The following NXPH1 variants were observed in gnomAD, a reference collection of about 807,000 sequenced individuals.
The protein encoded by NXPH1 is neurexophilin 1.
Under a neutral mutation model 23.7 loss-of-function variants are expected in NXPH1, and 5 were observed. The ratio of observed to expected loss-of-function variants is 0.21; its 90% CI spans 0.11 to 0.44. NXPH1 has a LOEUF of 0.44. NXPH1 is among the 20% of genes least tolerant of loss of function. The probability of loss-of-function intolerance (pLI) is 0.99; values close to 1 mark genes in which losing one functional copy is unlikely to be tolerated. For synonymous variants in NXPH1, 144 were observed against 122.2 expected, an observed-to-expected ratio of 1.18 and a Z score of -1.18; for missense variants, 324 against 321.6, an observed-to-expected ratio of 1.01 and a Z score of -0.06.
chr7:8,684,825 A>G (rs1465556254), intron 2 of NXPH1, among the ~76,000 whole-genome samples: 19 of 152,144 alleles, frequency 1.2e-4, no homozygotes, highest in Admixed American at 1.2e-3. Flanking sequence ...CCCATTGGTC[A>G]TATTTAGGCC....
At chr7:8,592,284 T>A (rs1562415935) in intron 2 of NXPH1, among the ~76,000 whole-genome samples, 1 of 151,984 alleles carries the variant, frequency 6.6e-6, no homozygotes, top group South Asian at 2.1e-4. Context: ...TCAGTCACCA[T>A]CTGTTCAAAT....
intron 2 of NXPH1, among the ~76,000 whole-genome samples, chr7:8,450,145 G>GT (rs1026587934): frequency 6.6e-6 from 1 of 152,164 alleles, no homozygotes; most frequent in African/African-American, 2.4e-5. Context: ...TCACACTCAT[G>GT]TTTTTTGAAT....
chr7:8,525,239 C>T (rs938378633), intron 2 of NXPH1, among the ~76,000 whole-genome samples: 3 of 152,084 alleles, frequency 2.0e-5, no homozygotes, highest in South Asian at 2.1e-4. Flanking sequence ...TTGCCCATGC[C>T]CTAGAGATTT....
chr7:8,634,492 A>C (rs771185065), intron 2 of NXPH1, among the ~76,000 whole-genome samples: 2 of 152,158 alleles, frequency 1.3e-5, no homozygotes, highest in Non-Finnish European at 2.9e-5. Context: ...AAAATAGACT[A>C]ATACACCTGG....
chr7:8,514,965 C>T (rs1457136582), intron 2 of NXPH1, among the ~76,000 whole-genome samples: 4 of 152,190 alleles, frequency 2.6e-5, no homozygotes, highest in Non-Finnish European at 5.9e-5. Flanking sequence ...CACACAGAGG[C>T]AGCTGCATAC....
chr7:8,490,563 T>C (rs544221470), intron 2 of NXPH1, among the ~76,000 whole-genome samples: 143 of 152,188 alleles, frequency 9.4e-4, no homozygotes, highest in African/African-American at 3.2e-3. Flanking sequence ...GATTCATTTT[T>C]TGTGGTCCTA....
intron 2 of NXPH1, among the ~76,000 whole-genome samples, chr7:8,568,755 C>A (rs1049317164): frequency 2.0e-5 from 3 of 151,556 alleles, no homozygotes; most frequent in African/African-American, 7.3e-5. Context: ...AGGTCTATGT[C>A]AACTACAGTT....
chr7:8,531,119 C>T (rs763368736), intron 2 of NXPH1, among the ~76,000 whole-genome samples: 17 of 152,166 alleles, frequency 1.1e-4, no homozygotes, highest in Non-Finnish European at 2.2e-4. Flanking sequence ...TCTGTTCCTT[C>T]TTGGCAAGTG....
intron 2 of NXPH1, among the ~76,000 whole-genome samples, chr7:8,468,125 A>G (rs1392030663): frequency 6.6e-6 from 1 of 152,136 alleles, no homozygotes; most frequent in Admixed American, 6.6e-5. Context: ...CAAAATTTCT[A>G]AAACAAAGCA....
At position 8,541,153 on chromosome 7, in the gene NXPH1, A is replaced by G. The variant is rs182256719; in HGVS notation, c.54+105386A>G. Among the ~76,000 whole-genome samples, 4 of 151,926 alleles carry G rather than the reference A, an allele frequency of 2.6e-5. No individual in the cohort carries two copies. In the East Asian group the frequency reaches 7.8e-4, roughly 30 times the overall value. ...ATGTTAGATTGAGTAGATATGGAAG[A>G]GATGGACTTCAAGGTAGTCATTACA... On this transcript the variant is annotated intron_variant, in intron 2 of 2. Transcript: ENST00000405863.
At chr7:8,491,596 A>G (rs990270497) in intron 2 of NXPH1, among the ~76,000 whole-genome samples, 12 of 152,028 alleles carry the variant, frequency 7.9e-5, no homozygotes, top group Non-Finnish European at 1.3e-4. Flanking sequence ...AGTGTGGCTC[A>G]TAAGCCATTC....
At chr7:8,436,160 C>G (rs1472880615) in intron 2 of NXPH1, among the ~76,000 whole-genome samples, 1 of 152,126 alleles carries the variant, frequency 6.6e-6, no homozygotes, top group Admixed American at 6.5e-5. Flanking sequence ...GTGGAAAGAA[C>G]AAATCTGCCC....
At chr7:8,617,132 G>A (rs555236203) in intron 2 of NXPH1, among the ~76,000 whole-genome samples, 5 of 152,094 alleles carry the variant, frequency 3.3e-5, no homozygotes, top group Non-Finnish European at 2.9e-5. Flanking sequence ...TAGAGGCCAG[G>A]GATGCTGGAA....
At chr7:8,546,649 T>C (rs1181599737) in intron 2 of NXPH1, among the ~76,000 whole-genome samples, 1 of 151,380 alleles carries the variant, frequency 6.6e-6, no homozygotes. Flanking sequence ...ACCTAAACAC[T>C]GTTAGGACAA....
intron 2 of NXPH1, among the ~76,000 whole-genome samples, chr7:8,696,149 C>T (rs182929651): frequency 5.9e-5 from 9 of 152,298 alleles, no homozygotes; most frequent in African/African-American, 1.7e-4. Flanking sequence ...GCTACATTTT[C>T]CTCTGGTATG....
chr7:8,675,388 C>G (rs970589646), intron 2 of NXPH1, among the ~76,000 whole-genome samples: 3 of 152,066 alleles, frequency 2.0e-5, no homozygotes, highest in African/African-American at 7.2e-5. Flanking sequence ...CAGCCTCCTT[C>G]TATTAATATT....
chr7:8,571,427 G>A (rs551421483), intron 2 of NXPH1, among the ~76,000 whole-genome samples: 11 of 151,900 alleles, frequency 7.2e-5, no homozygotes, highest in Admixed American at 2.0e-4. Flanking sequence ...GGGAAATTTG[G>A]GGGGAACAGA....
chr7:8,598,475 C>T (rs747730069), intron 2 of NXPH1, among the ~76,000 whole-genome samples: 1 of 152,138 alleles, frequency 6.6e-6, no homozygotes, highest in Non-Finnish European at 1.5e-5. Context: ...ATCTTTGTCA[C>T]GTTTCCCCTC....
At chr7:8,743,614 C>G (rs530915844) in intron 2 of NXPH1, among the ~76,000 whole-genome samples, 1 of 151,954 alleles carries the variant, frequency 6.6e-6, no homozygotes, top group African/African-American at 2.4e-5. Context: ...TTAGAACAAG[C>G]AGTGTGTAAT....
Sources: gnomAD v4.1 joint callset for allele counts (sites outside exome capture counted in the v4.1 genomes callset) on GRCh38, gnomAD v4.1.1 for gene constraint, MANE v1.5 for transcripts, NCBI Gene and HGNC (gene_info 2026-07-23, HGNC 2026-07-21) for gene names.